The following ZNF782 variants were observed in gnomAD, a reference collection of about 807,000 sequenced individuals.
ZNF782 encodes zinc finger protein 782.
Under a neutral mutation model 13.0 loss-of-function variants are expected in ZNF782, and 12 were observed. The ratio of observed to expected loss-of-function variants is 0.92; its 90% confidence interval spans 0.59 to 1.50. The LOEUF (loss-of-function observed/expected upper bound fraction) is 1.50. ZNF782 is among the 40% of genes most tolerant of loss of function. The probability of loss-of-function intolerance (pLI) is 0.00; values close to 1 mark genes in which losing one functional copy is unlikely to be tolerated. For missense variants in ZNF782, 770 were observed against 822.9 expected (o/e 0.94, Z 0.79); for synonymous variants, 284 against 283.0 (o/e 1.00, Z -0.04).
At chr9:96,870,941 T>C (rs918360423) in intron 1 of ZNF782, among the ~76,000 whole-genome samples, 3 of 152,230 alleles carry the variant, frequency 2.0e-5, no homozygotes, top group African/African-American at 7.2e-5. Flanking sequence ...AAGCACTTCT[T>C]ATTAGCAGTT....
At chr9:96,848,740 T>C (rs1213964043) in intron 3 of ZNF782, among the ~76,000 whole-genome samples, 1 of 152,108 alleles carries the variant, frequency 6.6e-6, no homozygotes. Context: ...ATTGTGAAAA[T>C]GACCATTCTG....
chr9:96,922,753 G>A, the ZNF782 span, among the ~76,000 whole-genome samples: 3 of 151,672 alleles, frequency 2.0e-5, no homozygotes, highest in East Asian at 2.0e-4. Flanking sequence ...CAGCCTGGGC[G>A]ACAGAGCGAG....
the ZNF782 span, among the ~76,000 whole-genome samples, chr9:96,930,872 G>GTTTTTTTTTTTTTTTTTTTTTTTTTTTTT: frequency 2.8e-5 from 2 of 72,726 alleles, no homozygotes; most frequent in Admixed American, 2.0e-4. Flanking sequence ...CCATCCAGTG[G>GTTTTTTTTTTTTTTTTTTTTTTTTTTTTT]TTTTTTTTTT....
the ZNF782 span, among the ~76,000 whole-genome samples, chr9:96,921,587 A>G: frequency 7.9e-5 from 11 of 139,502 alleles, no homozygotes; most frequent in South Asian, 7.6e-4. Context: ...GTTGCCAGGC[A>G]CAGTGGCTCA....
the ZNF782 span, among the ~76,000 whole-genome samples, chr9:96,909,821 A>T: frequency 5.5e-4 from 83 of 151,958 alleles, no homozygotes; most frequent in Admixed American, 1.2e-3. Flanking sequence ...CCAAAACAGC[A>T]AAAGCATTCA....
At chr9:96,848,641 T>C (rs1419201979) in intron 3 of ZNF782, among the ~76,000 whole-genome samples, 1 of 152,136 alleles carries the variant, frequency 6.6e-6, no homozygotes. Context: ...GAAAGATCTC[T>C]ACAAGAACTA....
At chr9:96,920,558 G>A in the ZNF782 span, among the ~76,000 whole-genome samples, 1 of 147,674 alleles carries the variant, frequency 6.8e-6, no homozygotes, top group African/African-American at 2.5e-5. Flanking sequence ...GAGCCACCGC[G>A]CCCAGCCCAA....
At chr9:96,896,983 C>G in the ZNF782 span, among the ~76,000 whole-genome samples, 1 of 152,192 alleles carries the variant, frequency 6.6e-6, no homozygotes, top group Admixed American at 6.5e-5. Flanking sequence ...CATGGGCCAC[C>G]TAGCTACCCT....
the ZNF782 span, among the ~76,000 whole-genome samples, chr9:96,933,181 T>C: frequency 3.3e-5 from 5 of 149,480 alleles, no homozygotes; most frequent in Admixed American, 1.3e-4. Context: ...GGTTTCACCA[T>C]GTTAGCCAGG....
At chr9:96,823,399 G>C (rs969162007) in intron 5 of ZNF782, among the ~76,000 whole-genome samples, 1 of 152,164 alleles carries the variant, frequency 6.6e-6, no homozygotes, top group African/African-American at 2.4e-5. Flanking sequence ...AACACTTGCA[G>C]TTTTTTGTTT....
At chr9:96,889,402 A>AT in the ZNF782 span, 848 of 145,616 alleles carry the variant, frequency 5.8e-3, 6 homozygotes, top group Middle Eastern at 0.031. Flanking sequence ...CCCAAAACTA[A>AT]TTTTTTTTTT....
the ZNF782 span, among the ~76,000 whole-genome samples, chr9:96,882,051 TA>T: frequency 1.9e-3 from 285 of 151,772 alleles, 1 homozygote; most frequent in Admixed American, 4.1e-3. Context: ...ATCAGAAATC[TA>T]AAAAATAATA....
At chr9:96,921,360 C>T in the ZNF782 span, among the ~76,000 whole-genome samples, 1 of 141,006 alleles carries the variant, frequency 7.1e-6, no homozygotes, top group Non-Finnish European at 1.5e-5. Flanking sequence ...CGGTGAAAGC[C>T]TGTCTCTACT....
chr9:96,823,257 GTAGAATTTCACCTGTGTCC>G (rs1173680547), intron 5 of ZNF782, among the ~76,000 whole-genome samples: 1 of 152,182 alleles, frequency 6.6e-6, no homozygotes, highest in East Asian at 1.9e-4. Flanking sequence ...TAGGCAGCAG[GTAGAATTTCACCTGTGTCC>G]TCATTTGCTG....
chr9:96,914,956 G>T, the ZNF782 span, among the ~76,000 whole-genome samples: 1 of 149,900 alleles, frequency 6.7e-6, no homozygotes, highest in African/African-American at 2.4e-5. Flanking sequence ...CCTGAGAGAC[G>T]AAAGCACCAT....
the ZNF782 span, chr9:96,890,554 T>A: frequency 1.9e-4 from 29 of 152,328 alleles, no homozygotes; most frequent in African/African-American, 6.8e-4. Context: ...CTCCTGCCAG[T>A]GTCACCACCA....
At chr9:96,874,924 G>T (rs1588178498) in intron 1 of ZNF782, among the ~76,000 whole-genome samples, 2 of 152,194 alleles carry the variant, frequency 1.3e-5, no homozygotes, top group Non-Finnish European at 2.9e-5. Context: ...AGGCGCCTTC[G>T]TGTGACCCAA....
chr9:96,911,470 T>C, the ZNF782 span, among the ~76,000 whole-genome samples: 3,922 of 148,078 alleles, frequency 0.026, 132 homozygotes, highest in Non-Finnish European at 0.04. Flanking sequence ...AAGATTGTTT[T>C]TCTGTTGTCA....
the ZNF782 span, among the ~76,000 whole-genome samples, chr9:96,916,759 G>A: frequency 6.6e-6 from 1 of 150,682 alleles, no homozygotes; most frequent in East Asian, 1.9e-4. Context: ...AGGGAGGAGG[G>A]CCAAAGGTGT....
Sources: gnomAD v4.1 joint callset for allele counts (sites outside exome capture counted in the v4.1 genomes callset) on GRCh38, gnomAD v4.1.1 for gene constraint, MANE v1.5 for transcripts, NCBI Gene and HGNC (gene_info 2026-07-23, HGNC 2026-07-21) for gene names.